The following NVL variants were observed in gnomAD, a reference collection of about 807,000 sequenced individuals.
The protein encoded by NVL is nuclear VCP like.
NVL carries 84 observed loss-of-function variants against 110.2 expected under a neutral mutation model. That is an observed-to-expected ratio of 0.76 (90% CI 0.64 to 0.91). The LOEUF (loss-of-function observed/expected upper bound fraction) is 0.91. NVL is among the 40% of genes least tolerant of loss of function. The probability of loss-of-function intolerance (pLI) is 0.00; values close to 1 mark genes in which losing one functional copy is unlikely to be tolerated. For synonymous variants in NVL, 354 were observed against 361.1 expected, an observed-to-expected ratio of 0.98 and a Z score of 0.22; for missense variants, 882 against 1,035.9, an observed-to-expected ratio of 0.85 and a Z score of 2.04.
chr1:224,302,666 A>G (rs1237902520), intron 9 of NVL, among the ~76,000 whole-genome samples: 3 of 152,272 alleles, frequency 2.0e-5, no homozygotes, highest in African/African-American at 7.2e-5. Context: ...ACTAAAAAGT[A>G]TAAGAACATG....
At chr1:224,317,990 T>C in intron 2 of NVL, 60 bp from the exon 3 acceptor site, 1 of 1,175,228 alleles carries the variant, frequency 8.5e-7, no homozygotes, top group Non-Finnish European at 1.2e-6. Flanking sequence ...TTCCATTAAG[T>C]TCAATCTAAA....
intron 16 of NVL, among the ~76,000 whole-genome samples, chr1:224,280,167 C>CTGTTTTTTTT (rs532245397): frequency 6.3e-5 from 9 of 142,790 alleles, no homozygotes; most frequent in Non-Finnish European, 1.4e-4. Flanking sequence ...AAGTGTACTG[C>CTGTTTTTTTT]TGTTTTTTTT....
In NVL at chr1:224,228,451, C is replaced by T. The variant is rs561625432; in HGVS notation, c.2527-781G>A. On this transcript the variant is annotated intron_variant, in intron 22 of 22. Coordinates refer to ENST00000281701, the MANE Select transcript of NVL (RefSeq NM_002533.4). The stretch of plus-strand genomic sequence containing the variant: ...TCCTGAGTAGCTGGAACTACAGGTG[C>T]GCACCACTACGCCCGGCAAATTTTT... Among the ~76,000 whole-genome samples, 234 of 151,720 alleles carry T rather than the reference C, an allele frequency of 1.5e-3. 1 individual carries two copies. The highest frequency in any genetic ancestry group is 5.2e-3 in the African/African-American group (217 of 41,410).
intron 17 of NVL, among the ~76,000 whole-genome samples, chr1:224,272,352 A>G: frequency 6.6e-6 from 1 of 152,118 alleles, no homozygotes; most frequent in Middle Eastern, 3.4e-3. Context: ...TAAAAAAAAA[A>G]AAATCAAATA....
Position 224,299,315 on chromosome 1 carries a change from G to GA in NVL, c.1062+1246dup, listed in dbSNP as rs556649288. On this transcript the variant is annotated intron_variant, in intron 10 of 22. Coordinates refer to ENST00000281701, the MANE Select transcript of NVL (RefSeq NM_002533.4). Reference sequence around the variant, plus strand: ...CAGTGACCTGGAAAGTTGAATGGGGGAAAAAAAAGAATAAATGATGGTCAT... The same window carrying GA: ...CAGTGACCTGGAAAGTTGAATGGGGGAAAAAAAAAGAATAAATGATGGTCAT... Among the ~76,000 whole-genome samples the GA allele has an allele frequency of 3.6e-3, 550 of 151,696 alleles. 4 individuals carry two copies. The highest frequency in any genetic ancestry group is 0.012 in the African/African-American group (512 of 41,316).
chr1:224,317,989 G>GA, intron 2 of NVL, 59 bp from the exon 3 acceptor site: 3 of 1,185,740 alleles, frequency 2.5e-6, no homozygotes, highest in Non-Finnish European at 3.6e-6. Flanking sequence ...TTTCCATTAA[G>GA]TTCAATCTAA....
intron 18 of NVL, among the ~76,000 whole-genome samples, chr1:224,251,524 C>T (rs1662503997): frequency 6.6e-6 from 1 of 151,952 alleles, no homozygotes; most frequent in Non-Finnish European, 1.5e-5. Context: ...CCTGTAATCC[C>T]AGCTACTTGT....
chr1:224,281,341 C>T (rs113837317), intron 15 of NVL, among the ~76,000 whole-genome samples, 156 bp from the exon 16 acceptor site: 14 of 151,506 alleles, frequency 9.2e-5, no homozygotes, highest in African/African-American at 3.2e-4. Flanking sequence ...TGCTCTGTCG[C>T]CCAGGATGAA....
intron 8 of NVL, 120 bp from the exon 9 acceptor site, chr1:224,303,977 G>T: frequency 9.0e-7 from 1 of 1,111,068 alleles, no homozygotes; most frequent in Non-Finnish European, 1.2e-6. Flanking sequence ...CTTAGACTTA[G>T]ATCAGACTTT....
rs750837762 is a variant in NVL at position 224,250,320 on chromosome 1, T to C, written c.2183-2A>G. 4 of 1,556,474 alleles carry C rather than the reference T, an allele frequency of 2.6e-6. No homozygotes were observed. Among genetic ancestry groups the C allele is most frequent in the East Asian group, 2.3e-5 (1 of 42,804 alleles). On this transcript the variant is annotated splice_acceptor_variant, in intron 18 of 22. Coordinates refer to ENST00000281701, the MANE Select transcript of NVL (RefSeq NM_002533.4). LOFTEE classifies it high-confidence loss of function. ...GCAGGATTGCAGGGTCAATTATATCTAGAGAAGAAGGGAGAAAAAAAGTCT... is the reference window on the plus strand; with the variant it reads ...GCAGGATTGCAGGGTCAATTATATCCAGAGAAGAAGGGAGAAAAAAAGTCT...
intron 10 of NVL, 63 bp downstream of exon 10, chr1:224,300,499 G>T: frequency 8.5e-7 from 1 of 1,170,938 alleles, no homozygotes. Context: ...ATCAGAAAAA[G>T]CAGGATCTTT....
intron 1 of NVL, among the ~76,000 whole-genome samples, chr1:224,328,526 A>G (rs895264524): frequency 6.6e-6 from 1 of 152,040 alleles, no homozygotes; most frequent in African/African-American, 2.4e-5. Context: ...GGCTTTAGGT[A>G]AAAGCAGAAT....
At chr1:224,256,809 C>A (rs1366487076) in intron 18 of NVL, among the ~76,000 whole-genome samples, 4 of 152,052 alleles carry the variant, frequency 2.6e-5, no homozygotes, top group Admixed American at 6.6e-5. Context: ...AATGTGAACT[C>A]ATTCTCCCGG....
intron 15 of NVL, among the ~76,000 whole-genome samples, chr1:224,284,478 T>G (rs933021742): frequency 1.2e-4 from 18 of 152,046 alleles, no homozygotes; most frequent in African/African-American, 4.3e-4. Context: ...TTGGGTCAAG[T>G]GATTCTTGTG....
rs543744070 is a variant in NVL at position 224,320,691 on chromosome 1, G to C, written c.132-2761C>G. On this transcript the variant is annotated intron_variant, in intron 2 of 22. Transcript: ENST00000281701. ...TGTTTTTGAGACAGGGTCTCACTCA[G>C]TCAGGCTGAAGTGTAGTTGTGCAAT... Among the ~76,000 whole-genome samples the C allele has an allele frequency of 8.6e-5, 13 of 152,028 alleles. No individual in the cohort carries two copies. In the South Asian group the frequency reaches 2.7e-3, roughly 32 times the overall value.
intron 15 of NVL, among the ~76,000 whole-genome samples, chr1:224,283,667 T>C (rs775763478): frequency 5.3e-5 from 8 of 152,202 alleles, no homozygotes; most frequent in Non-Finnish European, 8.8e-5. Context: ...CAAAGGCAGA[T>C]GTAACTAATT....
At chr1:224,272,678 C>T (rs1665251350) in intron 17 of NVL, among the ~76,000 whole-genome samples, 1 of 151,948 alleles carries the variant, frequency 6.6e-6, no homozygotes, top group African/African-American at 2.4e-5. Flanking sequence ...GATTACACCA[C>T]TGCACTCCAG....
In NVL at chr1:224,300,567, C is replaced by G; in HGVS notation, c.1057G>C (p.Ala353Pro). 6.2e-7 allele frequency: 1 copy of G among 1,613,058 alleles called. No individual in the cohort carries two copies. The highest frequency in any genetic ancestry group is 1.1e-5 in the South Asian group (1 of 90,992). The change falls in exon 10 of 23, where the codon GCT (alanine) becomes CCT (proline). Residue 353 changes from alanine to proline, a missense_variant. Ala to Pro is a conservative substitution (Grantham distance 27). Around this residue, in one of 4 missense-constraint regions of NVL, gnomAD observed 416 missense variants for 499.3 expected, o/e 0.83. Coordinates refer to ENST00000281701, the MANE Select transcript of NVL (RefSeq NM_002533.4). ...EQKLRELFEQ[A>P]VSNAPCIIFI... ...TTAGTCATTAACTGACTCACCACAGCTTGCTCAAATAGTTCTCTCAGCTTC... is the reference window on the plus strand; with the variant it reads ...TTAGTCATTAACTGACTCACCACAGGTTGCTCAAATAGTTCTCTCAGCTTC...
At chr1:224,255,195 T>G (rs2102776630) in intron 18 of NVL, among the ~76,000 whole-genome samples, 1 of 135,562 alleles carries the variant, frequency 7.4e-6, no homozygotes, top group East Asian at 2.2e-4. Context: ...TTTTTTTTTT[T>G]TTTTTTTTTC....
Sources: gnomAD v4.1 joint callset for allele counts (sites outside exome capture counted in the v4.1 genomes callset) on GRCh38, gnomAD v4.1.1 for gene constraint, gnomAD v4.1.1 regional missense constraint, MANE v1.5 for transcripts, NCBI Gene and HGNC (gene_info 2026-07-23, HGNC 2026-07-21) for gene names.